Variants in CATSPERE observed in about 807,000 individuals in gnomAD.
CATSPERE encodes the protein catsper channel auxiliary subunit epsilon.
In CATSPERE, 93 loss-of-function variants were observed where a neutral mutation model predicts 114.1. The ratio of observed to expected loss-of-function variants is 0.81; its 90% CI spans 0.69 to 0.97. CATSPERE has a LOEUF of 0.97. Ranked by LOEUF, CATSPERE falls within the 50% of genes least tolerant of loss-of-function variation. CATSPERE has a pLI of 0.00. For synonymous variants in CATSPERE, 341 were observed against 384.1 expected (o/e 0.89, Z 1.31); for missense variants, 1,058 against 1,131.6 (o/e 0.93, Z 0.93).
At chr1:244,489,445 T>C (rs1311014439) in intron 5 of CATSPERE, among the ~76,000 whole-genome samples, 1 of 130,828 alleles carries the variant, frequency 7.6e-6, no homozygotes, top group Non-Finnish European at 1.6e-5. Context: ...TAAGGAAGCA[T>C]GCAGATTTTT....
intron 3 of CATSPERE, 79 bp downstream of exon 3, chr1:244,477,693 G>T: frequency 2.8e-6 from 3 of 1,083,676 alleles, no homozygotes; most frequent in Non-Finnish European, 4.1e-6. Flanking sequence ...GAGATTCAAG[G>T]CTGTGATTTA....
At chr1:244,466,117 A>G (rs1667567336) in intron 2 of CATSPERE, among the ~76,000 whole-genome samples, 1 of 152,236 alleles carries the variant, frequency 6.6e-6, no homozygotes, top group Non-Finnish European at 1.5e-5. Flanking sequence ...ACTTGTTATC[A>G]TAGTGAATCA....
chr1:244,473,764 A>G (rs929169895), intron 2 of CATSPERE, among the ~76,000 whole-genome samples: 11 of 152,026 alleles, frequency 7.2e-5, no homozygotes, highest in African/African-American at 2.7e-4. Flanking sequence ...AACAGCATGT[A>G]TTGGGTCTTG....
chr1:244,485,174 C>CTTTTTTTTT, intron 5 of CATSPERE, among the ~76,000 whole-genome samples: 1 of 122,852 alleles, frequency 8.1e-6, no homozygotes, highest in Non-Finnish European at 1.8e-5. Context: ...TGTCTTTTTT[C>CTTTTTTTTT]TTTTTCTTTT....
chr1:244,536,450 C>T (rs1680401173), intron 8 of CATSPERE, among the ~76,000 whole-genome samples: 1 of 152,208 alleles, frequency 6.6e-6, no homozygotes, highest in African/African-American at 2.4e-5. Context: ...TGAGGATGGG[C>T]AATTCCCTCT....
chr1:244,635,403 T>C (rs545812342), intron 20 of CATSPERE, 86 bp from the exon 21 acceptor site: 1 of 950,350 alleles, frequency 1.1e-6, no homozygotes, highest in East Asian at 2.5e-5. Flanking sequence ...TTATATATGG[T>C]TTGATTGTTA....
chr1:244,531,976 G>T (rs1236353638), intron 8 of CATSPERE, among the ~76,000 whole-genome samples: 1 of 152,120 alleles, frequency 6.6e-6, no homozygotes, highest in Non-Finnish European at 1.5e-5. Context: ...TTTGCTGGGA[G>T]ACTTTTTACT....
intron 18 of CATSPERE, among the ~76,000 whole-genome samples, chr1:244,606,749 A>G (rs1220586049): frequency 5.9e-5 from 9 of 151,784 alleles, no homozygotes; most frequent in Non-Finnish European, 1.3e-4. Flanking sequence ...CTACAGGCAC[A>G]TGCCACTACA....
chr1:244,550,275 A>G (rs1168299673), intron 8 of CATSPERE, among the ~76,000 whole-genome samples: 1 of 152,204 alleles, frequency 6.6e-6, no homozygotes, highest in Non-Finnish European at 1.5e-5. Flanking sequence ...CTATTTCTAT[A>G]TATCCTAGTC....
At chr1:244,517,018 C>T (rs140430652) in intron 7 of CATSPERE, among the ~76,000 whole-genome samples, 3 of 152,092 alleles carry the variant, frequency 2.0e-5, no homozygotes, top group Non-Finnish European at 4.4e-5. Flanking sequence ...GGTGATAATT[C>T]ACTCAGTGAA....
chr1:244,610,193 A>G lies in CATSPERE; in HGVS notation c.2404-47A>G, dbSNP rs745588593. The G allele has an allele frequency of 5.0e-6, 6 of 1,193,818 alleles. No individual in the cohort carries two copies. In the Admixed American group the frequency reaches 1.3e-4, roughly 26 times the overall value. 74.0% of individuals were successfully genotyped at this position (1,193,818 alleles called of 1,614,324 possible). A position where few individuals can be genotyped will look rare whatever the true frequency, so the allele number is the denominator to read the frequency against. ...ACATTAAATACTTAGGAATAAGTTG[A>G]TATGAAAACTTCTACCTACCCACAT... is the stretch of plus-strand genomic sequence containing the variant. On this transcript the variant is annotated intron_variant, in intron 18 of 21. Transcript: ENST00000366534.
intron 17 of CATSPERE, among the ~76,000 whole-genome samples, chr1:244,598,079 T>A (rs1668683162): frequency 6.6e-6 from 1 of 152,178 alleles, no homozygotes; most frequent in Non-Finnish European, 1.5e-5. Context: ...TTAAAATATA[T>A]TCATATAACT....
rs1380469709 is a variant in CATSPERE at position 244,617,657 on chromosome 1, T to C, written c.2619T>C (p.Phe873=). 1 of 1,542,620 alleles carries C rather than the reference T, an allele frequency of 6.5e-7. No individual in the cohort carries two copies. The highest frequency in any genetic ancestry group is 2.1e-5 in the Admixed American group (1 of 48,134). Residue 873 remains phenylalanine (F), a synonymous_variant, in exon 20 of 22, where the codon TTT becomes TTC. Transcript: ENST00000366534. ...TGGGCCATTCTGGAATGTATGTATT[T>C]CGTGTGAAGATCCTGGATCCAAACT... ...WPMGHSGMYV[F]RVKILDPNYS...
chr1:244,584,387 A>C (rs550559905), intron 13 of CATSPERE, among the ~76,000 whole-genome samples: 1 of 151,982 alleles, frequency 6.6e-6, no homozygotes, highest in African/African-American at 2.4e-5. Flanking sequence ...TGAGACTGGG[A>C]GGGGAAAGGT....
At chr1:244,470,124 C>T (rs1668245821) in intron 2 of CATSPERE, among the ~76,000 whole-genome samples, 1 of 152,082 alleles carries the variant, frequency 6.6e-6, no homozygotes, top group African/African-American at 2.4e-5. Context: ...AAATCCGTGA[C>T]CTTGGATTAG....
At chr1:244,502,629 T>G (rs1379774637) in intron 7 of CATSPERE, among the ~76,000 whole-genome samples, 1 of 152,208 alleles carries the variant, frequency 6.6e-6, no homozygotes, top group Non-Finnish European at 1.5e-5. Context: ...TCTTTCTGCC[T>G]GTTCACTCCT....
chr1:244,617,956 C>A (rs1573028900), intron 20 of CATSPERE, among the ~76,000 whole-genome samples: 1 of 152,126 alleles, frequency 6.6e-6, no homozygotes, highest in East Asian at 1.9e-4. Context: ...TCTCATCCTT[C>A]AAGGTATTTA....
chr1:244,635,438 A>G, intron 20 of CATSPERE, 51 bp from the exon 21 acceptor site: 1 of 1,373,750 alleles, frequency 7.3e-7, no homozygotes, highest in South Asian at 1.2e-5. Context: ...AGAGCGTTTT[A>G]AAATATATTG....
chr1:244,621,115 TA>T (rs56980112), intron 20 of CATSPERE, among the ~76,000 whole-genome samples: 4 of 61,382 alleles, frequency 6.5e-5, no homozygotes, highest in Admixed American at 5.4e-4. Flanking sequence ...AATATATATA[TA>T]ATATATATAT....
Sources: allele counts gnomAD v4.1 joint callset (sites outside exome capture counted in the v4.1 genomes callset), GRCh38; gene constraint gnomAD v4.1.1; transcripts MANE v1.5; gene names NCBI Gene and HGNC (gene_info 2026-07-23, HGNC 2026-07-21).